The following LAMA2 variants were observed in gnomAD, a reference collection of about 807,000 sequenced individuals.
LAMA2 encodes the protein laminin subunit alpha 2.
A neutral mutation model predicts 364.8 loss-of-function variants in LAMA2; 269 were observed. The observed-to-expected ratio is 0.74, with a 90% CI of 0.67 to 0.82. LAMA2 has a LOEUF of 0.82. LAMA2 is among the 40% of genes least tolerant of loss of function. The pLI, the probability that LAMA2 is intolerant of heterozygous loss-of-function variation, is 0.00. For synonymous variants in LAMA2, 1,379 were observed against 1,370.6 expected, an observed-to-expected ratio of 1.01 and a Z score of -0.14; for missense variants, 3,807 against 3,873.2, an observed-to-expected ratio of 0.98 and a Z score of 0.45.
chr6:129,341,839 G>T (rs1434105464), intron 29 of LAMA2, among the ~76,000 whole-genome samples: 1 of 152,196 alleles, frequency 6.6e-6, no homozygotes, highest in Non-Finnish European at 1.5e-5. Flanking sequence ...GTTTTAGATT[G>T]ACTCCTCTGT....
intron 1 of LAMA2, among the ~76,000 whole-genome samples, chr6:128,919,910 G>A (rs557566954): frequency 1.0e-3 from 156 of 152,298 alleles, no homozygotes; most frequent in African/African-American, 3.6e-3. Flanking sequence ...GACTGGTTTA[G>A]ATGATGAATT....
chr6:129,088,264 G>A (rs1456443106), intron 3 of LAMA2, among the ~76,000 whole-genome samples: 1 of 151,804 alleles, frequency 6.6e-6, no homozygotes, highest in African/African-American at 2.4e-5. Context: ...TCTTAGTACA[G>A]AACAAAATGG....
intron 1 of LAMA2, among the ~76,000 whole-genome samples, chr6:128,987,316 G>A (rs980249385): frequency 7.3e-5 from 11 of 150,888 alleles, no homozygotes; most frequent in African/African-American, 1.7e-4. Context: ...TCTTTTTTTC[G>A]CATTTTTGGT....
intron 44 of LAMA2, among the ~76,000 whole-genome samples, chr6:129,444,903 C>T (rs1010312941): frequency 6.6e-5 from 10 of 152,250 alleles, no homozygotes; most frequent in East Asian, 1.9e-4. Flanking sequence ...TGGTTTACCA[C>T]GTGGCATAGG....
intron 12 of LAMA2, among the ~76,000 whole-genome samples, chr6:129,221,825 G>A (rs1040953831): frequency 1.2e-4 from 18 of 152,112 alleles, no homozygotes; most frequent in African/African-American, 1.9e-4. Context: ...AAGAAGAGCC[G>A]ACAGCAGATG....
intron 55 of LAMA2, among the ~76,000 whole-genome samples, chr6:129,483,836 A>C (rs77054158): frequency 6.6e-6 from 1 of 152,332 alleles, no homozygotes; most frequent in African/African-American, 2.4e-5. Context: ...ATTTGACAAT[A>C]AGTGGCATTG....
At position 129,512,475 on chromosome 6, in the gene LAMA2, T is replaced by G. The variant is rs754055398; in HGVS notation, c.8970T>G (p.Ile2990Met). ...GTCAAAAAATGGATGGAATGGGTAT[T>G]GAAATGATTGATGAAAAGGTGAGTG... Reference protein sequence around the residue: ...ISSQKMDGMGIEMIDEKLMFH... With the variant: ...ISSQKMDGMGMEMIDEKLMFH... Residue 2990 changes from isoleucine (I) to methionine (M), a missense_variant, in exon 63 of 65, where the codon ATT (isoleucine) becomes ATG (methionine). Coordinates refer to ENST00000421865, the MANE Select transcript of LAMA2 (RefSeq NM_000426.4). 12 of 1,613,582 alleles carry G rather than the reference T, an allele frequency of 7.4e-6. No individual in the cohort carries two copies.
At chr6:129,496,832 G>T (rs141598155) in intron 58 of LAMA2, among the ~76,000 whole-genome samples, 1 of 152,276 alleles carries the variant, frequency 6.6e-6, no homozygotes, top group Admixed American at 6.5e-5. Flanking sequence ...ATTCTGGCAG[G>T]TTACTTGTCC....
chr6:129,481,129 A>G (rs1161585745), intron 54 of LAMA2, 134 bp from the exon 55 acceptor site: 2 of 721,534 alleles, frequency 2.8e-6, no homozygotes, highest in South Asian at 1.6e-5. Flanking sequence ...TAAACTTTCC[A>G]TGTTTTCCTG....
chr6:128,933,821 T>C (rs1460866875), intron 1 of LAMA2, among the ~76,000 whole-genome samples: 2 of 152,220 alleles, frequency 1.3e-5, no homozygotes, highest in African/African-American at 4.8e-5. Context: ...TATGAATTCC[T>C]TATATATTTT....
At position 129,252,145 on chromosome 6, in the gene LAMA2, A is replaced by G; in HGVS notation, c.1946A>G (p.His649Arg). The change falls in exon 14 of 65, where the codon CAT becomes CGT. Residue 649 changes from histidine (H) to arginine (R), a missense_variant. By Grantham distance (29) the His-to-Arg change is conservative. This residue lies in a region of LAMA2 where 3,333 missense variants were observed against 3,345.7 expected (regional missense o/e 1.00). Coordinates refer to ENST00000421865, the MANE Select transcript of LAMA2 (RefSeq NM_000426.4). ...DEVYLHPSEEHTNVLLLKEES... is the reference protein window; with the variant it reads ...DEVYLHPSEERTNVLLLKEES... ...GTGTACCTGCACCCATCTGAAGAACATACTAATGTATTGTTACTTAAAGAA... is the reference window on the plus strand; with the variant it reads ...GTGTACCTGCACCCATCTGAAGAACGTACTAATGTATTGTTACTTAAAGAA... 3.7e-6 allele frequency: 6 copies of G among 1,613,810 alleles called. No individual in the cohort carries two copies. Among genetic ancestry groups the G allele is most frequent in the Non-Finnish European group, 5.1e-6 (6 of 1,179,788 alleles).
intron 29 of LAMA2, among the ~76,000 whole-genome samples, chr6:129,336,771 C>G (rs1457343684): frequency 6.6e-6 from 1 of 152,088 alleles, no homozygotes; most frequent in East Asian, 1.9e-4. Flanking sequence ...ATATACGTTG[C>G]TAAAAAAATG....
intron 47 of LAMA2, among the ~76,000 whole-genome samples, chr6:129,456,112 C>G (rs917932074): frequency 1.3e-5 from 2 of 152,094 alleles, no homozygotes; most frequent in South Asian, 2.1e-4. Flanking sequence ...CTCACTGGTT[C>G]TGGTTGAAAC....
At chr6:129,426,498 G>T (rs1418245452) in intron 40 of LAMA2, among the ~76,000 whole-genome samples, 1 of 151,268 alleles carries the variant, frequency 6.6e-6, no homozygotes, top group Non-Finnish European at 1.5e-5. Context: ...TGACACTTAT[G>T]TGATGTTACT....
chr6:129,499,285 G>GTTGT (rs1342893112), intron 58 of LAMA2, among the ~76,000 whole-genome samples: 1 of 151,210 alleles, frequency 6.6e-6, no homozygotes, highest in Non-Finnish European at 1.5e-5. Flanking sequence ...TATTATTATT[G>GTTGT]TTGTTTTAAC....
chr6:129,034,399 C>T (rs1350428698), intron 1 of LAMA2, among the ~76,000 whole-genome samples: 3 of 152,008 alleles, frequency 2.0e-5, no homozygotes, highest in African/African-American at 7.2e-5. Flanking sequence ...ACTATTTTGT[C>T]CTTCCTGATG....
At position 129,505,269 on chromosome 6, in the gene LAMA2, C is replaced by T. The variant is rs779611273; in HGVS notation, c.8617C>T (p.Pro2873Ser). ...VDGASNRTISPKKADILDVVG... is the reference protein window; with the variant it reads ...VDGASNRTISSKKADILDVVG... Reference sequence around the variant, plus strand: ...TGGGGCTTCCAACAGAACCATCAGTCCCAAAAAAGCCGACATCCTGGATGT... The same window carrying T: ...TGGGGCTTCCAACAGAACCATCAGTTCCAAAAAAGCCGACATCCTGGATGT... Residue 2873 changes from proline to serine, a missense_variant, in exon 61 of 65, where the codon CCC (proline) becomes TCC (serine). Coordinates refer to ENST00000421865, the MANE Select transcript of LAMA2 (RefSeq NM_000426.4). 4 of 1,613,538 alleles carry T rather than the reference C, an allele frequency of 2.5e-6. No homozygotes were observed. In the Admixed American group the frequency reaches 6.7e-5, roughly 27 times the overall value.
intron 1 of LAMA2, among the ~76,000 whole-genome samples, chr6:128,937,081 T>G (rs1458845759): frequency 6.6e-6 from 1 of 152,192 alleles, no homozygotes; most frequent in African/African-American, 2.4e-5. Context: ...AATTTTCCAC[T>G]TAATATTTTC....
At chr6:129,404,384 T>G (rs1307293177) in intron 40 of LAMA2, among the ~76,000 whole-genome samples, 1 of 152,214 alleles carries the variant, frequency 6.6e-6, no homozygotes, top group Non-Finnish European at 1.5e-5. Context: ...ACATACTGGA[T>G]CATATGCTTC....
Sources: allele counts gnomAD v4.1 joint callset (sites outside exome capture counted in the v4.1 genomes callset), GRCh38; gene constraint gnomAD v4.1.1; regional missense constraint gnomAD v4.1.1; transcripts MANE v1.5; gene names NCBI Gene and HGNC (gene_info 2026-07-23, HGNC 2026-07-21).